The following ADGRF5 variants were observed in gnomAD, a reference collection of about 807,000 sequenced individuals.
ADGRF5 encodes the protein adhesion G protein-coupled receptor F5, also known as G-protein coupled receptor 116.
A neutral mutation model predicts 132.3 loss-of-function variants in ADGRF5; 75 were observed. The observed-to-expected ratio is 0.57, with a 90% CI of 0.47 to 0.69. ADGRF5 has a LOEUF of 0.69. Ranked by LOEUF, ADGRF5 falls within the 30% of genes least tolerant of loss-of-function variation. ADGRF5 has a pLI of 0.00. For missense variants in ADGRF5, 1,516 were observed against 1,630.6 expected, an observed-to-expected ratio of 0.93 and a Z score of 1.21; for synonymous variants, 629 against 597.6, an observed-to-expected ratio of 1.05 and a Z score of -0.77.
At chr6:46,949,715 C>A (rs1778426911) in intron 1 of ADGRF5, among the ~76,000 whole-genome samples, 1 of 152,150 alleles carries the variant, frequency 6.6e-6, no homozygotes, top group Non-Finnish European at 1.5e-5. Flanking sequence ...GAAATCAGGG[C>A]CAAAGCTCTG....
intron 12 of ADGRF5, among the ~76,000 whole-genome samples, chr6:46,867,795 G>C (rs202055242): frequency 2.5e-4 from 2 of 7,874 alleles, no homozygotes; most frequent in Non-Finnish European, 6.1e-3. Context: ...AATTCCTGCT[G>C]CGGGGGGGAA....
intron 1 of ADGRF5, chr6:46,908,936 G>A (rs1006050153): frequency 6.6e-6 from 1 of 152,158 alleles, no homozygotes; most frequent in African/African-American, 2.4e-5. Flanking sequence ...TGTATGGAAT[G>A]GACCTGACCA....
At chr6:46,892,671 A>T (rs61640965) in intron 3 of ADGRF5, among the ~76,000 whole-genome samples, 16,180 of 152,050 alleles carry the variant, frequency 0.11, 1,103 homozygotes, top group Admixed American at 0.2. Context: ...AATCACACGA[A>T]CCCTGGAGGT....
intron 10 of ADGRF5, among the ~76,000 whole-genome samples, chr6:46,875,523 G>T (rs1771556841): frequency 6.6e-6 from 1 of 152,144 alleles, no homozygotes; most frequent in South Asian, 2.1e-4. Context: ...AGTGGCTCAT[G>T]CCTGTAATCC....
At chr6:46,914,600 C>G (rs1377500032) in intron 1 of ADGRF5, among the ~76,000 whole-genome samples, 1 of 152,078 alleles carries the variant, frequency 6.6e-6, no homozygotes, top group African/African-American at 2.4e-5. Context: ...CACATGTGGG[C>G]GGCGTTGATA....
intron 9 of ADGRF5, among the ~76,000 whole-genome samples, chr6:46,878,930 T>C (rs1320831628): frequency 6.6e-6 from 1 of 152,100 alleles, no homozygotes; most frequent in African/African-American, 2.4e-5. Flanking sequence ...CTTGCTTCTG[T>C]AGTTGCTTGG....
At chr6:46,924,922 C>G (rs73736687), upstream of ADGRF5, among the ~76,000 whole-genome samples, 829 of 152,344 alleles carry the variant, frequency 5.4e-3, 7 homozygotes, top group African/African-American at 0.019. Flanking sequence ...TCATTCTCAT[C>G]CAAGCCATCA....
chr6:46,895,096 G>C (rs1258504471), intron 3 of ADGRF5, among the ~76,000 whole-genome samples: 1 of 152,080 alleles, frequency 6.6e-6, no homozygotes, highest in African/African-American at 2.4e-5. Flanking sequence ...AGAATTGCTT[G>C]AACCTGGGAG....
upstream of ADGRF5, among the ~76,000 whole-genome samples, chr6:46,926,090 G>C (rs760488229): frequency 3.2e-4 from 48 of 152,096 alleles, no homozygotes; most frequent in Non-Finnish European, 6.3e-4. Context: ...GTATACAAAT[G>C]GTCTTATTCT....
rs116033019 is a variant in ADGRF5 at position 46,894,107 on chromosome 6, C to T, written c.158-5602G>A. 7.2e-3 allele frequency among the ~76,000 whole-genome samples: 1,090 copies of T among 152,332 alleles called. 21 individuals are homozygous for T. Among genetic ancestry groups the T allele is most frequent in the African/African-American group, 0.025 (1,033 of 41,576 alleles). Reference sequence around the variant, plus strand: ...ATTGGTTGGTTTGGCTTCCTCTTGACTAAAGAGGCCAATGCAATTTTACCA... The same window carrying T: ...ATTGGTTGGTTTGGCTTCCTCTTGATTAAAGAGGCCAATGCAATTTTACCA... On this transcript the variant is annotated intron_variant, in intron 3 of 20. Transcript: ENST00000283296.
At chr6:46,939,099 G>C (rs1203038084) in intron 1 of ADGRF5, among the ~76,000 whole-genome samples, 1 of 152,154 alleles carries the variant, frequency 6.6e-6, no homozygotes, top group Non-Finnish European at 1.5e-5. Flanking sequence ...TCGATCTCTT[G>C]ACCTCGTGAT....
intron 2 of ADGRF5, among the ~76,000 whole-genome samples, chr6:46,903,200 G>A (rs1416480643): frequency 6.6e-6 from 1 of 152,114 alleles, no homozygotes; most frequent in African/African-American, 2.4e-5. Flanking sequence ...TGGGTGCTGG[G>A]TAGATCTCAC....
At chr6:46,879,529 C>T (rs529985095) in intron 9 of ADGRF5, among the ~76,000 whole-genome samples, 72 of 152,286 alleles carry the variant, frequency 4.7e-4, no homozygotes, top group African/African-American at 1.5e-3. Flanking sequence ...TCCCCTTTGC[C>T]TTCTGCCATG....
chr6:46,890,115 C>G (rs1773499049), intron 3 of ADGRF5, among the ~76,000 whole-genome samples: 1 of 151,974 alleles, frequency 6.6e-6, no homozygotes, highest in Non-Finnish European at 1.5e-5. Flanking sequence ...TTTTTCTGGA[C>G]AGGACCTCTC....
At position 46,858,732 on chromosome 6, in the gene ADGRF5, G is replaced by A. The variant is rs151037028; in HGVS notation, c.3171C>T (p.Ile1057=). The part of the protein sequence containing the change: ...SYMRHTCIVN[I]AASLLVANTW... ...TGTTGGCGACCAGAAGGGAGGCAGC[G>A]ATATTCACTATGCAGGTGTGGCGCA... Residue 1057 remains isoleucine (I), a synonymous_variant, in exon 17 of 21, where the codon ATC becomes ATT. Transcript: ENST00000283296. The A allele has an allele frequency of 9.9e-6, 16 of 1,613,978 alleles. No homozygotes were observed. The highest frequency in any genetic ancestry group is 1.4e-5 in the Non-Finnish European group (16 of 1,180,014).
At chr6:46,929,440 T>C (rs1036521743) in intron 1 of ADGRF5, among the ~76,000 whole-genome samples, 1 of 147,848 alleles carries the variant, frequency 6.8e-6, no homozygotes, top group Non-Finnish European at 1.5e-5. Flanking sequence ...CATGTATACA[T>C]ACATAACAAA....
At chr6:46,877,329 CTTTCTTTCTTTCTTTCTTTCT>C (rs1562175580) in intron 10 of ADGRF5, among the ~76,000 whole-genome samples, 14,126 of 41,656 alleles carry the variant, frequency 0.34, 1,568 homozygotes, top group East Asian at 0.38. Flanking sequence ...TTCCTTCTTT[CTTTCTTTCTTTCTTTCTTTCT>C]TTCTTTCTTT....
rs1769970901 is a variant in ADGRF5 at position 46,863,002 on chromosome 6, G to A, written c.2085C>T (p.Ser695=). The A allele has an allele frequency of 1.2e-6, 2 of 1,613,498 alleles. No individual in the cohort carries two copies. The highest frequency in any genetic ancestry group is 1.7e-5 in the Admixed American group (1 of 59,982). ...KLCRFSNVPS[S]PESPIGGTIT... is the part of the protein sequence containing the mutation. Reference sequence around the variant, plus strand: ...TGGTCCCGCCAATGGGACTCTCAGGGCTGCTGGGAACGTTTGAGAACCGGC... The same window carrying A: ...TGGTCCCGCCAATGGGACTCTCAGGACTGCTGGGAACGTTTGAGAACCGGC... The change falls in exon 15 of 21, where the codon AGC becomes AGT. Residue 695 remains serine, a synonymous_variant. Coordinates refer to ENST00000283296, the MANE Select transcript of ADGRF5 (RefSeq NM_001098518.2).
intron 1 of ADGRF5, among the ~76,000 whole-genome samples, chr6:46,919,550 A>C (rs970179390): frequency 1.3e-5 from 2 of 152,222 alleles, no homozygotes; most frequent in Admixed American, 1.3e-4. Context: ...AAATGCCCCC[A>C]AGTACCCCAT....
Sources: gnomAD v4.1 joint callset for allele counts (sites outside exome capture counted in the v4.1 genomes callset) on GRCh38, gnomAD v4.1.1 for gene constraint, MANE v1.5 for transcripts, NCBI Gene and HGNC (gene_info 2026-07-23, HGNC 2026-07-21) for gene names.